The following LTBR variants were observed in gnomAD, a reference collection of about 807,000 sequenced individuals.
The protein encoded by LTBR is tumor necrosis factor receptor superfamily member 3.
A neutral mutation model predicts 45.4 loss-of-function variants in LTBR; 15 were observed. The ratio of observed to expected loss-of-function variants is 0.33; its 90% CI spans 0.22 to 0.51. LTBR has a LOEUF of 0.51. Ranked by LOEUF, LTBR falls within the 20% of genes least tolerant of loss-of-function variation. The pLI is 0.97. For synonymous variants in LTBR, 228 were observed against 231.0 expected (o/e 0.99, Z 0.12); for missense variants, 450 against 565.5 (o/e 0.80, Z 2.07).
rs936365692 is a variant in LTBR, at chr12:6,388,086, C to T, written c.668-312C>T. Among the ~76,000 whole-genome samples, 1 of 152,144 alleles carries T rather than the reference C, an allele frequency of 6.6e-6. No homozygotes were observed. Among genetic ancestry groups the T allele is most frequent in the Admixed American group, 6.5e-5 (1 of 15,284 alleles). On this transcript the variant is annotated intron_variant, in intron 6 of 9. Coordinates refer to ENST00000228918, the MANE Select transcript of LTBR (RefSeq NM_002342.3). The surrounding 1 kb of genome is among the most constrained non-coding windows in gnomAD (Gnocchi z 4.3). ...AAAATCAACTGCCTAAGCTCCCATCCTGCACACACAAGCCTGCCCAATCCT... is the reference window on the plus strand; with the variant it reads ...AAAATCAACTGCCTAAGCTCCCATCTTGCACACACAAGCCTGCCCAATCCT...
intron 1 of LTBR, among the ~76,000 whole-genome samples, chr12:6,376,472 G>T (rs1272433341): frequency 6.6e-6 from 1 of 152,256 alleles, no homozygotes; most frequent in African/African-American, 2.4e-5. Context: ...CCAGGAAGAG[G>T]CAGGGAAAGC....
At position 6,388,218 on chromosome 12, in the gene LTBR, C is replaced by G; in HGVS notation, c.668-180C>G. 3.4e-6 allele frequency: 2 copies of G among 581,160 alleles called. No individual in the cohort carries two copies. The highest frequency in any genetic ancestry group is 5.9e-5 in the East Asian group (2 of 34,162). The allele number at this position is 581,160 out of a possible 1,614,324, so 36.0% of individuals were successfully genotyped here. ...TCAAGTCCAACTTAGTTCCCCTTCT[C>G]TATAACCCAAGGGAAGTTTCTCTCA... On this transcript the variant is annotated intron_variant, in intron 6 of 9. Transcript: ENST00000228918. This position sits in a 1 kb window ranked among gnomAD's most constrained non-coding sequence, Gnocchi z 4.3.
At chr12:6,375,517 G>T in exon 1 of LTBR, 1 of 1,535,446 alleles carries the variant, frequency 6.5e-7, no homozygotes, top group Non-Finnish European at 8.7e-7. Context: ...GACAGGTGCA[G>T]CGGCCTGGCT....
At chr12:6,375,361 G>A (rs1304052754), upstream of LTBR, 5 of 1,457,088 alleles carry the variant, frequency 3.4e-6, no homozygotes, top group South Asian at 5.7e-5. Context: ...ACCTCGAGCT[G>A]TGTCCTGATT....
chr12:6,375,966 G>A, intron 1 of LTBR: 1 of 1,030,128 alleles, frequency 9.7e-7, no homozygotes, highest in Non-Finnish European at 1.2e-6. Flanking sequence ...GTAGAGGCAG[G>A]TGGGGGGCAG....
chr12:6,385,182 C>A, intron 3 of LTBR, 35 bp downstream of exon 3: 24 of 1,614,160 alleles, frequency 1.5e-5, no homozygotes, highest in Non-Finnish European at 1.9e-5. Flanking sequence ...GGGCTGGATC[C>A]CCTGGAGCTT....
Position 6,376,222 on chromosome 12 carries a change from G to C in LTBR, c.39+628G>C, listed in dbSNP as rs72645145. 1,896 of 982,144 alleles carry C rather than the reference G, an allele frequency of 1.9e-3. 18 individuals carry two copies. In the African/African-American group the frequency reaches 0.029, roughly 15 times the overall value. The allele number at this position is 982,144 out of a possible 1,614,324, so 60.8% of individuals were successfully genotyped here. A position where few individuals can be genotyped will look rare whatever the true frequency, so the allele number is the denominator to read the frequency against. Reference sequence around the variant, plus strand: ...AGGTGGGATGCGTCTGCCTCCTCCTGGTCCCTCCTCTTTCCTGCTGATTCC... The same window carrying C: ...AGGTGGGATGCGTCTGCCTCCTCCTCGTCCCTCCTCTTTCCTGCTGATTCC... On this transcript the variant is annotated intron_variant, in intron 1 of 9. Transcript: ENST00000539925.
chr12:6,377,170 CCT>C (rs1948926489), intron 1 of LTBR: 1 of 1,203,466 alleles, frequency 8.3e-7, no homozygotes, highest in Admixed American at 2.2e-5. Flanking sequence ...TCTGTGGCTT[CCT>C]CTCTTGCGGC....
intron 9 of LTBR, 152 bp downstream of exon 9, chr12:6,390,492 G>A: frequency 9.9e-7 from 1 of 1,009,988 alleles, no homozygotes; most frequent in Non-Finnish European, 1.5e-6. Context: ...AGAGGGAAGA[G>A]ACTGGAAAAC....
At position 6,390,912 on chromosome 12, in the gene LTBR, G is replaced by A; in HGVS notation, c.1283G>A (p.Arg428Lys). 6.3e-7 allele frequency: 1 copy of A among 1,580,974 alleles called. No homozygotes were observed. Among genetic ancestry groups the A allele is most frequent in the Non-Finnish European group, 8.6e-7 (1 of 1,165,886 alleles). Residue 428 changes from arginine to lysine, a missense_variant, in exon 10 of 10, where the codon AGG becomes AAG. Transcript: ENST00000228918. ...GCCACACCCTCTAACAGGGGCCCAA[G>A]GAACCAATTTATCACCCATGACTGA... Reference protein sequence around the residue: ...CGATPSNRGPRNQFITHD With the variant: ...CGATPSNRGPKNQFITHD
upstream of LTBR, chr12:6,375,175 T>A: frequency 6.9e-7 from 1 of 1,456,174 alleles, no homozygotes; most frequent in South Asian, 1.4e-5. Context: ...TCCTCCAGGA[T>A]CTGTGTCTCA....
Position 6,384,220 on chromosome 12 carries a change from G to A in LTBR, c.-139G>A. On this transcript the variant is annotated 5_prime_UTR_variant, in exon 1 of 10. Transcript: ENST00000228918. ...TGGAGGCCCGGCCTGGCCGCTCCCG[G>A]CCCTGGGGTGCACATCGGCCCTGAG... 1 of 1,349,092 alleles carries A rather than the reference G, an allele frequency of 7.4e-7. No homozygotes were observed. Among genetic ancestry groups the A allele is most frequent in the East Asian group, 3.0e-5 (1 of 33,890 alleles). The allele number at this position is 1,349,092 out of a possible 1,614,324, so 83.6% of individuals were successfully genotyped here. A position where few individuals can be genotyped will look rare whatever the true frequency, so the allele number is the denominator to read the frequency against.
rs558046074 is a variant in LTBR, at chr12:6,385,763, G to A, written c.473-303G>A. 1.9e-3 allele frequency: 507 copies of A among 261,672 alleles called. 4 individuals carry two copies. In the African/African-American group the frequency reaches 0.021, roughly 11 times the overall value. 16.2% of individuals were successfully genotyped at this position (261,672 alleles called of 1,614,324 possible). On this transcript the variant is annotated intron_variant, in intron 4 of 9. Transcript: ENST00000228918. The stretch of plus-strand genomic sequence containing the variant: ...CTACTAAAAATACAAAAAATTAGCC[G>A]GGCGTGGTGGTGGGCGCCTGTATCC...
At chr12:6,385,873 C>T in intron 4 of LTBR, 193 bp from the exon 5 acceptor site, 2 of 484,464 alleles carry the variant, frequency 4.1e-6, no homozygotes, top group Non-Finnish European at 7.2e-6. Context: ...CCACTGCACT[C>T]CAGCCTGGGC....
At position 6,385,380 on chromosome 12, in the gene LTBR, G is replaced by A; in HGVS notation, c.472+1G>A. 6.2e-7 allele frequency: 1 copy of A among 1,614,028 alleles called. No individual in the cohort carries two copies. The highest frequency in any genetic ancestry group is 8.5e-7 in the Non-Finnish European group (1 of 1,180,004). ...CCTGGCACTGAAGCCGAGCTCAAAG[G>A]TCAGAGGTCCCTGAGGGGCTGGATG... is the stretch of plus-strand genomic sequence containing the variant. On this transcript the variant is annotated splice_donor_variant, in intron 4 of 9. Transcript: ENST00000228918. LOFTEE classifies it high-confidence loss of function.
rs10849448 is a variant in LTBR, at chr12:6,384,185, A to G, written c.-174A>G. ...CCACTCCCACTTCCTGAGCTCCGCC[A>G]TGGGAGCCCTGGAGGCCCGGCCTGG... On this transcript the variant is annotated 5_prime_UTR_variant, in exon 1 of 10. An upstream start codon of the reference 5' UTR is lost. Coordinates refer to ENST00000228918, the MANE Select transcript of LTBR (RefSeq NM_002342.3). 1,000,281 of 1,296,364 alleles carry G rather than the reference A, an allele frequency of 0.77. 387,823 individuals are homozygous for G. The highest frequency in any genetic ancestry group is 0.96 in the African/African-American group (62,037 of 64,712). The allele number at this position is 1,296,364 out of a possible 1,614,324, so 80.3% of individuals were successfully genotyped here. A position where few individuals can be genotyped will look rare whatever the true frequency, so the allele number is the denominator to read the frequency against.
upstream of LTBR, chr12:6,375,232 G>A (rs1948883179): frequency 2.2e-5 from 31 of 1,440,818 alleles, no homozygotes; most frequent in Non-Finnish European, 2.7e-5. Flanking sequence ...TTTCTCTTTG[G>A]GTCTCTCCTG....
chr12:6,390,588 G>C, intron 9 of LTBR, 72 bp from the exon 10 acceptor site: 1 of 1,436,174 alleles, frequency 7.0e-7, no homozygotes, highest in Non-Finnish European at 9.3e-7. Flanking sequence ...CGAGAAGAAG[G>C]CAAGAATTCA....
intron 6 of LTBR, chr12:6,387,651 C>T (rs1354602588): frequency 5.5e-5 from 14 of 252,574 alleles, no homozygotes; most frequent in South Asian, 3.6e-4. Context: ...GGAGTCCTCC[C>T]GCCCTTCCCC....
Sources: allele counts gnomAD v4.1 joint callset (sites outside exome capture counted in the v4.1 genomes callset), GRCh38; gene constraint gnomAD v4.1.1; non-coding constraint Gnocchi (gnomAD v3.1); transcripts MANE v1.5; gene names NCBI Gene and HGNC (gene_info 2026-07-23, HGNC 2026-07-21).